ELMOD1: variants seen among roughly 807,000 people sequenced by gnomAD.
ELMOD1 encodes ELMO domain-containing protein 1.
A neutral mutation model predicts 46.7 loss-of-function variants in ELMOD1; 21 were observed. The ratio of observed to expected loss-of-function variants is 0.45; its 90% CI spans 0.32 to 0.65. ELMOD1 has a LOEUF of 0.65. ELMOD1 is among the 30% of genes least tolerant of loss of function. The pLI is 0.04. For missense variants in ELMOD1, 348 were observed against 407.8 expected, an observed-to-expected ratio of 0.85 and a Z score of 1.26; for synonymous variants, 122 against 138.2, an observed-to-expected ratio of 0.88 and a Z score of 0.82.
intron 6 of ELMOD1, among the ~76,000 whole-genome samples, chr11:107,639,278 G>C (rs1013339801): frequency 6.6e-6 from 1 of 152,166 alleles, no homozygotes. Context: ...AAGCATAGGA[G>C]AGCATTATCA....
At chr11:107,658,350 A>G (rs1331895781) in intron 11 of ELMOD1, among the ~76,000 whole-genome samples, 1 of 152,182 alleles carries the variant, frequency 6.6e-6, no homozygotes, top group Non-Finnish European at 1.5e-5. Context: ...AAACACATAT[A>G]CTTTACAACT....
rs190895225 is a variant in ELMOD1 at position 107,610,547 on chromosome 11, T to C, written c.-85-7558T>C. On this transcript the variant is annotated intron_variant, in intron 1 of 11. Transcript: ENST00000265840. The stretch of plus-strand genomic sequence containing the variant: ...TGTGTGGTGGTGTATGCCTGTAATC[T>C]GAGCTACTCGGGAGGCTGAGACACA... Among the ~76,000 whole-genome samples the C allele has an allele frequency of 3.7e-3, 564 of 151,604 alleles. 4 individuals are homozygous for C. The highest frequency in any genetic ancestry group is 0.013 in the African/African-American group (551 of 41,348).
rs1416643507 is a variant in ELMOD1 at position 107,647,648 on chromosome 11, T to C, written c.554+47T>C. 8 of 1,574,978 alleles carry C rather than the reference T, an allele frequency of 5.1e-6. No homozygotes were observed. In the Admixed American group the frequency reaches 1.5e-4, roughly 29 times the overall value. On this transcript the variant is annotated intron_variant, in intron 7 of 11. Transcript: ENST00000265840. ...TAAGTGTTCGAGTGATGTTTTGGTC[T>C]CCTCATACTGAAATGGCAAAAGTTG...
chr11:107,607,295 T>C (rs549981064), intron 1 of ELMOD1, among the ~76,000 whole-genome samples: 2 of 152,336 alleles, frequency 1.3e-5, no homozygotes, highest in African/African-American at 4.8e-5. Context: ...TTACTAGTAG[T>C]TTTTAATTGT....
chr11:107,638,661 A>T (rs758191396), intron 6 of ELMOD1, among the ~76,000 whole-genome samples: 7 of 152,234 alleles, frequency 4.6e-5, no homozygotes, highest in Non-Finnish European at 8.8e-5. Context: ...AGCAAAAGTC[A>T]GCAAACCAAG....
At chr11:107,606,972 T>C (rs185036399) in intron 1 of ELMOD1, among the ~76,000 whole-genome samples, 193 of 152,340 alleles carry the variant, frequency 1.3e-3, no homozygotes, top group Non-Finnish European at 2.4e-3. Context: ...TGATTTAATC[T>C]CTCCACTTTC....
At chr11:107,633,882 A>G (rs1417598096) in intron 5 of ELMOD1, among the ~76,000 whole-genome samples, 1 of 152,078 alleles carries the variant, frequency 6.6e-6, no homozygotes, top group Non-Finnish European at 1.5e-5. Flanking sequence ...TATCTGGCCT[A>G]GTTGTTTGGT....
chr11:107,630,466 T>C lies in ELMOD1; in HGVS notation c.67T>C (p.Cys23Arg), dbSNP rs1866116203. 1.2e-6 allele frequency: 2 copies of C among 1,605,710 alleles called. No homozygotes were observed. The highest frequency in any genetic ancestry group is 3.4e-5 in the Admixed American group (2 of 58,750). ...LYFYCKFLWR[C>R]LKFVMRKLTG... Reference sequence around the variant, plus strand: ...TTTTTACTGTAAATTTCTGTGGCGCTGCCTGAAATTTGTAATGAGGAAGCT... The same window carrying C: ...TTTTTACTGTAAATTTCTGTGGCGCCGCCTGAAATTTGTAATGAGGAAGCT... The change falls in exon 3 of 12, where the codon TGC (cysteine) becomes CGC (arginine). Residue 23 changes from cysteine (C) to arginine (R), a missense_variant. Physicochemically the swap from Cys to Arg is radical, Grantham distance 180 (BLOSUM62 -3). Coordinates refer to ENST00000265840, the MANE Select transcript of ELMOD1 (RefSeq NM_018712.4).
Position 107,630,719 on chromosome 11 carries a change from T to C in ELMOD1, c.183T>C (p.Ser61=). 1 of 1,606,138 alleles carries C rather than the reference T, an allele frequency of 6.2e-7. No homozygotes were observed. Among genetic ancestry groups the C allele is most frequent in the Non-Finnish European group, 8.5e-7 (1 of 1,176,300 alleles). The change falls in exon 4 of 12, where the codon TCT becomes TCC. Residue 61 remains serine (S), a synonymous_variant. Transcript: ENST00000265840. ...TMKIETSLRD[S]KSKLLQTSVS... is the part of the protein sequence containing the mutation. ...TCACAGAAACATCACTGAGGGATTC[T>C]AAAAGTAAGGTAAGTAAAATTATTT... is the stretch of plus-strand genomic sequence containing the variant.
At chr11:107,600,509 C>G (rs993641763) in intron 1 of ELMOD1, 1 of 152,114 alleles carries the variant, frequency 6.6e-6, no homozygotes, top group African/African-American at 2.4e-5. Context: ...AATATATGCT[C>G]TAGCTGAGGA....
chr11:107,662,874 G>C (rs1249197007), intron 11 of ELMOD1, among the ~76,000 whole-genome samples: 1 of 152,020 alleles, frequency 6.6e-6, no homozygotes, highest in African/African-American at 2.4e-5. Flanking sequence ...CTGGGCAACA[G>C]AGCGAGACCC....
chr11:107,645,632 G>T (rs1866416280), intron 6 of ELMOD1, among the ~76,000 whole-genome samples: 1 of 152,106 alleles, frequency 6.6e-6, no homozygotes, highest in South Asian at 2.1e-4. Flanking sequence ...GCCAGTTTGT[G>T]TTTTGATGAA....
chr11:107,606,477 T>C (rs1865686451), intron 1 of ELMOD1, among the ~76,000 whole-genome samples: 1 of 152,190 alleles, frequency 6.6e-6, no homozygotes, highest in Non-Finnish European at 1.5e-5. Flanking sequence ...TCCACAGACA[T>C]GCATATGTGC....
At position 107,664,213 on chromosome 11, in the gene ELMOD1, T is replaced by A. The variant is rs1423410450; in HGVS notation, c.833-812T>A. ...TTTCTTTCTAACACATAGAGACACCTGAGCTTGTAGTAGTTTACTACCTAC... is the reference window on the plus strand; with the variant it reads ...TTTCTTTCTAACACATAGAGACACCAGAGCTTGTAGTAGTTTACTACCTAC... On this transcript the variant is annotated intron_variant, in intron 11 of 11. Transcript: ENST00000265840. Among the ~76,000 whole-genome samples the A allele has an allele frequency of 3.3e-5, 5 of 151,590 alleles. No individual in the cohort carries two copies. In the East Asian group the frequency reaches 9.7e-4, roughly 29 times the overall value.
intron 4 of ELMOD1, 97 bp from the exon 5 acceptor site, chr11:107,631,483 A>G (rs1299717921): frequency 2.2e-6 from 1 of 451,572 alleles, no homozygotes; most frequent in Non-Finnish European, 3.6e-6. Flanking sequence ...GTCTTCATAT[A>G]GAAGCTTAAG....
In ELMOD1 at chr11:107,627,983, A is replaced by G. The variant is rs1866071130; in HGVS notation, c.18-2434A>G. 2.6e-5 allele frequency among the ~76,000 whole-genome samples: 4 copies of G among 152,158 alleles called. No individual in the cohort carries two copies. In the South Asian group the frequency reaches 8.3e-4, roughly 31 times the overall value. On this transcript the variant is annotated intron_variant, in intron 2 of 11. Transcript: ENST00000265840. ...GGAAAGCTTTTATCTTTGACTTAGT[A>G]ATTAATAGTATATATTAATATGTTA...
intron 1 of ELMOD1, among the ~76,000 whole-genome samples, chr11:107,601,766 C>A (rs1865603356): frequency 1.3e-5 from 2 of 151,986 alleles, no homozygotes; most frequent in African/African-American, 4.8e-5. Context: ...ATGAATATCC[C>A]AAATTTATCC....
chr11:107,652,087 A>G (rs1374579633), intron 9 of ELMOD1, among the ~76,000 whole-genome samples: 2 of 152,242 alleles, frequency 1.3e-5, no homozygotes, highest in Admixed American at 1.3e-4. Context: ...AATAAAGTTC[A>G]TGTATTAATT....
chr11:107,596,837 T>G (rs2135644201), intron 1 of ELMOD1, among the ~76,000 whole-genome samples: 1 of 152,296 alleles, frequency 6.6e-6, no homozygotes, highest in South Asian at 2.1e-4. Flanking sequence ...AGTTTTATGC[T>G]GTACCAAAAA....
Sources: allele counts gnomAD v4.1 joint callset (sites outside exome capture counted in the v4.1 genomes callset), GRCh38; gene constraint gnomAD v4.1.1; transcripts MANE v1.5; gene names NCBI Gene and HGNC (gene_info 2026-07-23, HGNC 2026-07-21).